Variants in DGKB observed in about 807,000 individuals in gnomAD.
DGKB encodes the protein 90 kDa diacylglycerol kinase.
In DGKB, 67 loss-of-function variants were observed where a neutral mutation model predicts 114.3. That is an observed-to-expected ratio of 0.59 (90% CI 0.48 to 0.72). The LOEUF is 0.72. Ranked by LOEUF, DGKB falls within the 30% of genes least tolerant of loss-of-function variation. DGKB has a pLI of 0.00. For synonymous variants in DGKB, 398 were observed against 323.1 expected, an observed-to-expected ratio of 1.23 and a Z score of -2.49; for missense variants, 907 against 975.2, an observed-to-expected ratio of 0.93 and a Z score of 0.93.
At chr7:14,865,192 T>C (rs1191779361) in intron 1 of DGKB, among the ~76,000 whole-genome samples, 4 of 152,254 alleles carry the variant, frequency 2.6e-5, no homozygotes, top group Non-Finnish European at 4.4e-5. Context: ...AAAAAATGAG[T>C]TGAATAAAAA....
chr7:14,657,034 A>G (rs950845767), intron 13 of DGKB, among the ~76,000 whole-genome samples: 1 of 151,780 alleles, frequency 6.6e-6, no homozygotes, highest in Non-Finnish European at 1.5e-5. Context: ...TAACCTCCCA[A>G]GGGTAAGATT....
chr7:14,447,138 C>T (rs1157695069), intron 21 of DGKB, among the ~76,000 whole-genome samples: 6 of 152,110 alleles, frequency 3.9e-5, no homozygotes, highest in African/African-American at 1.2e-4. Flanking sequence ...CAGGTATGCA[C>T]GGATGCATCA....
chr7:14,854,708 T>C (rs1223058304), intron 1 of DGKB, among the ~76,000 whole-genome samples: 1 of 152,092 alleles, frequency 6.6e-6, no homozygotes. Context: ...CAAGTACTGG[T>C]ATGAGGCCTG....
chr7:14,260,086 G>A (rs1436322085), intron 23 of DGKB, among the ~76,000 whole-genome samples: 1 of 23,868 alleles, frequency 4.2e-5, no homozygotes, highest in African/African-American at 1.4e-4. Context: ...CTACATATGT[G>A]TACACACACA....
chr7:14,449,868 G>C (rs1428146923), intron 21 of DGKB, among the ~76,000 whole-genome samples: 1 of 151,998 alleles, frequency 6.6e-6, no homozygotes, highest in Non-Finnish European at 1.5e-5. Flanking sequence ...TAGGTATTCT[G>C]ATTAGGATTT....
At chr7:14,329,100 A>G (rs1809260751) in intron 23 of DGKB, among the ~76,000 whole-genome samples, 1 of 151,942 alleles carries the variant, frequency 6.6e-6, no homozygotes, top group South Asian at 2.1e-4. Context: ...CTATATAATA[A>G]AAGAGTATAT....
chr7:14,169,893 G>C (rs1380577547), intron 25 of DGKB, among the ~76,000 whole-genome samples: 1 of 152,058 alleles, frequency 6.6e-6, no homozygotes, highest in Non-Finnish European at 1.5e-5. Flanking sequence ...CCAGCACTTT[G>C]GGCAGCCAAG....
intron 1 of DGKB, among the ~76,000 whole-genome samples, chr7:14,967,908 A>T (rs1366096893): frequency 6.6e-6 from 1 of 152,122 alleles, no homozygotes; most frequent in Non-Finnish European, 1.5e-5. Context: ...AGGGAAAGCA[A>T]CCTAAAGTTA....
intron 23 of DGKB, among the ~76,000 whole-genome samples, chr7:14,289,150 A>C (rs943556073): frequency 1.3e-5 from 2 of 152,166 alleles, no homozygotes; most frequent in African/African-American, 4.8e-5. Context: ...GATCGACTTA[A>C]TATTAAACTC....
At chr7:14,599,646 A>G (rs1367554755) in intron 17 of DGKB, among the ~76,000 whole-genome samples, 1 of 152,158 alleles carries the variant, frequency 6.6e-6, no homozygotes, top group African/African-American at 2.4e-5. Flanking sequence ...TTATTAGTTT[A>G]ATATATGTTT....
At chr7:14,255,433 G>C (rs969491119) in intron 23 of DGKB, among the ~76,000 whole-genome samples, 1 of 152,094 alleles carries the variant, frequency 6.6e-6, no homozygotes, top group African/African-American at 2.4e-5. Context: ...TCTACTTGCA[G>C]CATCTCCCTT....
intron 20 of DGKB, among the ~76,000 whole-genome samples, chr7:14,556,687 A>C (rs1012555): frequency 0.23 from 35,098 of 152,062 alleles, 5,006 homozygotes; most frequent in African/African-American, 0.4. Context: ...CTTGAAATAA[A>C]CCCTATTGGG....
chr7:14,367,986 G>A (rs1446025023), intron 21 of DGKB, among the ~76,000 whole-genome samples: 1 of 151,996 alleles, frequency 6.6e-6, no homozygotes, highest in Non-Finnish European at 1.5e-5. Flanking sequence ...GGGACACAGA[G>A]CAAAACCATA....
At chr7:14,949,196 T>C (rs1474946519) in intron 1 of DGKB, among the ~76,000 whole-genome samples, 2 of 152,014 alleles carry the variant, frequency 1.3e-5, no homozygotes, top group African/African-American at 4.8e-5. Flanking sequence ...ATATTCAATC[T>C]CATTTATAAT....
intron 23 of DGKB, among the ~76,000 whole-genome samples, chr7:14,215,095 C>A (rs116955084): frequency 1.3e-5 from 2 of 152,248 alleles, no homozygotes; most frequent in Admixed American, 6.5e-5. Context: ...AAAGCATGAA[C>A]GCAATGATTA....
intron 1 of DGKB, among the ~76,000 whole-genome samples, chr7:14,854,475 T>C (rs1184887827): frequency 6.6e-6 from 1 of 152,084 alleles, no homozygotes; most frequent in Non-Finnish European, 1.5e-5. Context: ...GTGGGGGAGA[T>C]GGTTTTGGGA....
intron 1 of DGKB, among the ~76,000 whole-genome samples, chr7:14,935,415 C>G (rs943880580): frequency 6.6e-6 from 1 of 152,034 alleles, no homozygotes; most frequent in African/African-American, 2.4e-5. Flanking sequence ...TCCCATCAGA[C>G]AATTTTTGAC....
intron 23 of DGKB, among the ~76,000 whole-genome samples, chr7:14,280,154 G>C (rs1799714544): frequency 6.6e-6 from 1 of 151,844 alleles, no homozygotes; most frequent in South Asian, 2.1e-4. Flanking sequence ...CCAATACAGA[G>C]AAGTGCTTAA....
chr7:14,291,029 C>G (rs2128471905), intron 23 of DGKB, among the ~76,000 whole-genome samples: 1 of 150,080 alleles, frequency 6.7e-6, no homozygotes, highest in Non-Finnish European at 1.5e-5. Flanking sequence ...GTAATCCCAG[C>G]TACTTGGGAG....
Sources: allele counts gnomAD v4.1 joint callset (sites outside exome capture counted in the v4.1 genomes callset), GRCh38; gene constraint gnomAD v4.1.1; transcripts MANE v1.5; gene names NCBI Gene and HGNC (gene_info 2026-07-23, HGNC 2026-07-21).